The following CYFIP1 variants were observed in gnomAD, a reference collection of about 807,000 sequenced individuals.
CYFIP1 encodes the protein cytoplasmic FMR1-interacting protein 1.
A neutral mutation model predicts 163.5 loss-of-function variants in CYFIP1; 58 were observed. The ratio of observed to expected loss-of-function variants is 0.35; its 90% CI spans 0.29 to 0.44. CYFIP1 has a LOEUF of 0.44. Among genes scored for constraint, CYFIP1 ranks in the 20% least tolerant of loss-of-function variants. The pLI is 1.00. For missense variants in CYFIP1, 1,338 were observed against 1,653.8 expected, an observed-to-expected ratio of 0.81 and a Z score of 3.31; for synonymous variants, 663 against 660.7, an observed-to-expected ratio of 1.00 and a Z score of -0.05.
chr15:22,977,775 G>A (rs961609512), intron 1 of CYFIP1, among the ~76,000 whole-genome samples: 3 of 150,630 alleles, frequency 2.0e-5, no homozygotes, highest in Admixed American at 2.0e-4. Flanking sequence ...AAGTTGCAGT[G>A]AGCCGAGATC....
intron 13 of CYFIP1, among the ~76,000 whole-genome samples, chr15:22,919,830 C>T (rs113759908): frequency 4.6e-5 from 7 of 151,930 alleles, no homozygotes; most frequent in East Asian, 1.9e-4. Flanking sequence ...AAGATCAGCC[C>T]GAACAAAATG....
intron 6 of CYFIP1, among the ~76,000 whole-genome samples, chr15:22,940,485 CTGGA>C (rs2061861051): frequency 6.6e-6 from 1 of 152,166 alleles, no homozygotes; most frequent in Non-Finnish European, 1.5e-5. Context: ...TGCCTGCTGA[CTGGA>C]ATGGAGAAAT....
intron 12 of CYFIP1, among the ~76,000 whole-genome samples, chr15:22,926,801 T>C (rs6606808): frequency 0.014 from 2,061 of 151,498 alleles, 43 homozygotes; most frequent in African/African-American, 0.048. Flanking sequence ...CAGTGTTAGA[T>C]AGATCAGTTA....
At chr15:22,912,352 A>C in intron 17 of CYFIP1, 77 bp from the exon 18 acceptor site, 2 of 1,099,564 alleles carry the variant, frequency 1.8e-6, no homozygotes, top group African/African-American at 1.6e-5. Context: ...CCCACCTCAG[A>C]AACTCAACTC....
intron 1 of CYFIP1, chr15:22,951,323 TC>T: frequency 8.7e-7 from 1 of 1,154,638 alleles, no homozygotes; most frequent in Non-Finnish European, 1.1e-6. Flanking sequence ...TCCACTTCCC[TC>T]CACATCACAG....
chr15:22,927,669 TAAAG>T (rs1341266910), intron 12 of CYFIP1, among the ~76,000 whole-genome samples: 3 of 151,808 alleles, frequency 2.0e-5, no homozygotes, highest in Non-Finnish European at 4.4e-5. Flanking sequence ...AAGAACGACT[TAAAG>T]AAAATCACAA....
At chr15:22,876,475 G>A (rs542030762) in intron 26 of CYFIP1, among the ~76,000 whole-genome samples, 2 of 151,960 alleles carry the variant, frequency 1.3e-5, no homozygotes, top group South Asian at 4.2e-4. Flanking sequence ...AACTCTTGTG[G>A]TTCTATAATT....
chr15:22,921,978 C>T (rs2061198507), intron 13 of CYFIP1, among the ~76,000 whole-genome samples: 1 of 152,074 alleles, frequency 6.6e-6, no homozygotes, highest in African/African-American at 2.4e-5. Flanking sequence ...ATCATCTTTT[C>T]AACAAATAGT....
At position 22,915,191 on chromosome 15, in the gene CYFIP1, C is replaced by T. The variant is rs535890360; in HGVS notation, c.1829-309G>A. 89 of 235,192 alleles carry T rather than the reference C, an allele frequency of 3.8e-4. 3 individuals are homozygous for T. In the South Asian group the frequency reaches 8.9e-3, roughly 24 times the overall value. The allele number at this position is 235,192 out of a possible 1,614,324, so 14.6% of individuals were successfully genotyped here. ...TGTCACCCAGGCTGGAGGTGAGTGG[C>T]GCGATCATAGCTTACTGCAGCCTTC... On this transcript the variant is annotated intron_variant, in intron 16 of 30. Transcript: ENST00000617928.
chr15:22,874,299 A>C (rs2059521686), intron 28 of CYFIP1, among the ~76,000 whole-genome samples: 1 of 152,210 alleles, frequency 6.6e-6, no homozygotes, highest in African/African-American at 2.4e-5. Context: ...GGACAGTGAA[A>C]GTGATGTCTT....
At chr15:22,890,459 G>A (rs184704228) in intron 23 of CYFIP1, among the ~76,000 whole-genome samples, 154 of 152,276 alleles carry the variant, frequency 1.0e-3, no homozygotes, top group Non-Finnish European at 1.4e-3. Context: ...GCGCACCCCT[G>A]CCCAGGCGTG....
intron 6 of CYFIP1, among the ~76,000 whole-genome samples, chr15:22,942,690 C>A (rs1351104872): frequency 6.6e-6 from 1 of 152,194 alleles, no homozygotes; most frequent in African/African-American, 2.4e-5. Flanking sequence ...CACGAGACAC[C>A]CTGTGACTGT....
intron 22 of CYFIP1, among the ~76,000 whole-genome samples, chr15:22,899,270 T>A (rs1215007485): frequency 3.9e-5 from 6 of 152,158 alleles, no homozygotes; most frequent in South Asian, 2.1e-4. Context: ...AAGACTAGAA[T>A]GAACTCTGCA....
At chr15:22,934,033 T>C (rs1014814659) in intron 9 of CYFIP1, 140 bp from the exon 10 acceptor site, 1 of 580,196 alleles carries the variant, frequency 1.7e-6, no homozygotes. Context: ...AAAAAAAAAC[T>C]ATAAGTAACT....
intron 5 of CYFIP1, 136 bp downstream of exon 5, chr15:22,944,422 C>T (rs1278452980): frequency 7.9e-6 from 5 of 633,824 alleles, no homozygotes; most frequent in African/African-American, 1.8e-5. Flanking sequence ...AGGCTTGGTC[C>T]CTTTTGTCTC....
rs116088712 is a variant in CYFIP1 at position 22,904,249 on chromosome 15, C to T, written c.2389-344G>A. 2,351 of 334,384 alleles carry T rather than the reference C, an allele frequency of 7.0e-3. 42 individuals carry two copies. The highest frequency in any genetic ancestry group is 0.043 in the African/African-American group (2,061 of 47,432). The allele number at this position is 334,384 out of a possible 1,614,324, so 20.7% of individuals were successfully genotyped here. ...GCCCTGCCCTGCAGTATAACCCAGCCGGCGGCTGCATCTCCCTGGGCGTTG... is the reference window on the plus strand; with the variant it reads ...GCCCTGCCCTGCAGTATAACCCAGCTGGCGGCTGCATCTCCCTGGGCGTTG... On this transcript the variant is annotated intron_variant, in intron 21 of 30. Coordinates refer to ENST00000617928, the MANE Select transcript of CYFIP1 (RefSeq NM_014608.6).
chr15:22,953,712 G>A lies in CYFIP1; in HGVS notation c.-6-6421C>T, dbSNP rs150468728. ...ATAATTAAAGTCACGTATTTGGAAC[G>A]GCATACAAACTGTTCTGCCGGTGCT... On this transcript the variant is annotated intron_variant, in intron 1 of 30. Transcript: ENST00000617928. Among the ~76,000 whole-genome samples the A allele has an allele frequency of 6.4e-3, 976 of 152,298 alleles. 11 individuals are homozygous for A. Among genetic ancestry groups the A allele is most frequent in the African/African-American group, 0.022 (925 of 41,554 alleles).
chr15:22,903,111 G>A (rs1172207914), intron 22 of CYFIP1, among the ~76,000 whole-genome samples: 2 of 152,144 alleles, frequency 1.3e-5, no homozygotes, highest in African/African-American at 2.4e-5. Flanking sequence ...TTGGTGCCCT[G>A]GTCATCCCCC....
At chr15:22,870,374 G>C (rs2059399719) in intron 30 of CYFIP1, among the ~76,000 whole-genome samples, 182 bp from the exon 31 acceptor site, 1 of 151,930 alleles carries the variant, frequency 6.6e-6, no homozygotes, top group African/African-American at 2.4e-5. Flanking sequence ...CCAGGCTGGA[G>C]TGCAGTGGCA....
Sources: gnomAD v4.1 joint callset for allele counts (sites outside exome capture counted in the v4.1 genomes callset) on GRCh38, gnomAD v4.1.1 for gene constraint, MANE v1.5 for transcripts, NCBI Gene and HGNC (gene_info 2026-07-23, HGNC 2026-07-21) for gene names.